The following PIK3CG variants were observed in gnomAD, a reference collection of about 807,000 sequenced individuals.
PIK3CG encodes the protein phosphatidylinositol-4,5-bisphosphate 3-kinase catalytic subunit gamma.
PIK3CG carries 55 observed loss-of-function variants against 102.3 expected under a neutral mutation model. The ratio of observed to expected loss-of-function variants is 0.54; its 90% CI spans 0.43 to 0.67. PIK3CG has a LOEUF of 0.67. PIK3CG is among the 30% of genes least tolerant of loss of function. The probability of loss-of-function intolerance (pLI) is 0.00; values close to 1 mark genes in which losing one functional copy is unlikely to be tolerated. For synonymous variants in PIK3CG, 552 were observed against 540.0 expected (o/e 1.02, Z -0.31); for missense variants, 1,258 against 1,391.8 (o/e 0.90, Z 1.53).
chr7:106,901,432 C>T (rs1378406452), intron 10 of PIK3CG, among the ~76,000 whole-genome samples: 1 of 151,934 alleles, frequency 6.6e-6, no homozygotes, highest in Non-Finnish European at 1.5e-5. Flanking sequence ...ATTTTTATAC[C>T]AGCTATTTCA....
chr7:106,875,843 A>G (rs907815645), intron 5 of PIK3CG, among the ~76,000 whole-genome samples: 15 of 151,364 alleles, frequency 9.9e-5, no homozygotes, highest in African/African-American at 1.9e-4. Flanking sequence ...AATTCCAGCA[A>G]TGTATACGAT....
In PIK3CG at chr7:106,883,193, G is replaced by A. The variant is rs555622245; in HGVS notation, c.2760+30G>A. 89 of 1,612,532 alleles carry A rather than the reference G, an allele frequency of 5.5e-5. 1 individual carries two copies. Among genetic ancestry groups the A allele is most frequent in the Non-Finnish European group, 3.9e-5 (46 of 1,178,762 alleles). On this transcript the variant is annotated intron_variant, in intron 8 of 10. Transcript: ENST00000496166. This position sits in a 1 kb window ranked among gnomAD's most constrained non-coding sequence, Gnocchi z 5.8. Reference sequence around the variant, plus strand: ...GCTCATGCTTTTTCCCAGTCTAATGGCTCCTTACAAGTTGTCATTTATATA... The same window carrying A: ...GCTCATGCTTTTTCCCAGTCTAATGACTCCTTACAAGTTGTCATTTATATA...
At chr7:106,904,383 C>T (rs1791636056) in intron 10 of PIK3CG, among the ~76,000 whole-genome samples, 1 of 151,992 alleles carries the variant, frequency 6.6e-6, no homozygotes, top group South Asian at 2.1e-4. Flanking sequence ...TTGGATTATT[C>T]TCATGTTGTA....
chr7:106,903,213 A>T lies in PIK3CG; in HGVS notation c.3031-1896A>T, dbSNP rs188813698. Reference sequence around the variant, plus strand: ...TGTTTTTAATAATGTAGTTTTATAAAATGGTTTAATATCTGGTTTGGCAAG... The same window carrying T: ...TGTTTTTAATAATGTAGTTTTATAATATGGTTTAATATCTGGTTTGGCAAG... On this transcript the variant is annotated intron_variant, in intron 10 of 10. Coordinates refer to ENST00000496166, the MANE Select transcript of PIK3CG (RefSeq NM_001282426.2). The surrounding 1 kb of genome is among the most constrained non-coding windows in gnomAD (Gnocchi z 4.3). Among the ~76,000 whole-genome samples the T allele has an allele frequency of 1.3e-5, 2 of 152,238 alleles. No homozygotes were observed. Among genetic ancestry groups the T allele is most frequent in the Admixed American group, 1.3e-4 (2 of 15,288 alleles).
rs1791594815 is a variant in PIK3CG at position 106,902,798 on chromosome 7, C to A, written c.3031-2311C>A. Reference sequence around the variant, plus strand: ...AATACATTTTCTTTTGTCATTAAGCCACTTTTAATATTATGTATAGCTTTT... The same window carrying A: ...AATACATTTTCTTTTGTCATTAAGCAACTTTTAATATTATGTATAGCTTTT... On this transcript the variant is annotated intron_variant, in intron 10 of 10. Coordinates refer to ENST00000496166, the MANE Select transcript of PIK3CG (RefSeq NM_001282426.2). The surrounding 1 kb of genome is among the most constrained non-coding windows in gnomAD (Gnocchi z 4.3). Among the ~76,000 whole-genome samples the A allele has an allele frequency of 6.6e-6, 1 of 152,028 alleles. No individual in the cohort carries two copies. The highest frequency in any genetic ancestry group is 1.5e-5 in the Non-Finnish European group (1 of 67,996).
At position 106,893,083 on chromosome 7, in the gene PIK3CG, G is replaced by A. The variant is rs570377966; in HGVS notation, c.3030+6791G>A. The stretch of plus-strand genomic sequence containing the variant: ...CAAAGAAGTCATTTGGAGCTCATTC[G>A]ATTAATCACAAATAACCATAATTAA... On this transcript the variant is annotated intron_variant, in intron 10 of 10. Coordinates refer to ENST00000496166, the MANE Select transcript of PIK3CG (RefSeq NM_001282426.2). This position sits in a 1 kb window ranked among gnomAD's most constrained non-coding sequence, Gnocchi z 4.4. 5.3e-5 allele frequency among the ~76,000 whole-genome samples: 8 copies of A among 152,104 alleles called. No individual in the cohort carries two copies. In the South Asian group the frequency reaches 6.2e-4, roughly 12 times the overall value.
Position 106,880,056 on chromosome 7 carries a change from A to G in PIK3CG, c.2538+391A>G, listed in dbSNP as rs971822761. 6.6e-6 allele frequency among the ~76,000 whole-genome samples: 1 copy of G among 152,234 alleles called. No homozygotes were observed. The highest frequency in any genetic ancestry group is 1.5e-5 in the Non-Finnish European group (1 of 68,042). On this transcript the variant is annotated intron_variant, in intron 6 of 10. Transcript: ENST00000496166. The surrounding 1 kb of genome is among the most constrained non-coding windows in gnomAD (Gnocchi z 4.2). ...CACTCTTTTAGATACATCTCCTCTG[A>G]TGCACATAAACAAATCAAGCAAATG...
At position 106,868,736 on chromosome 7, in the gene PIK3CG, A is replaced by T. The variant is rs2116448654; in HGVS notation, c.1175A>T (p.Gln392Leu). 1 of 1,614,224 alleles carries T rather than the reference A, an allele frequency of 6.2e-7. No homozygotes were observed. Among genetic ancestry groups the T allele is most frequent in the Non-Finnish European group, 8.5e-7 (1 of 1,180,024 alleles). Residue 392 changes from glutamine (Q) to leucine (L), a missense_variant, in exon 2 of 11, where the codon CAA becomes CTA. Coordinates refer to ENST00000496166, the MANE Select transcript of PIK3CG (RefSeq NM_001282426.2). This position sits in a 1 kb window ranked among gnomAD's most constrained non-coding sequence, Gnocchi z 6.2. ...FVEANIQHGQ[Q>L]VLCQRRTSPK... The stretch of plus-strand genomic sequence containing the variant: ...GAGGCAAACATCCAGCATGGGCAAC[A>T]AGTCCTTTGCCAAAGGAGAACCAGC...
At chr7:106,878,219 T>C (rs76312023) in intron 5 of PIK3CG, among the ~76,000 whole-genome samples, 3,911 of 152,308 alleles carry the variant, frequency 0.026, 155 homozygotes, top group African/African-American at 0.089. Context: ...GCATATTTTC[T>C]GATGATGAGT....
Position 106,903,546 on chromosome 7 carries a change from T to G in PIK3CG, c.3031-1563T>G, listed in dbSNP as rs1791613229. Among the ~76,000 whole-genome samples, 1 of 151,864 alleles carries G rather than the reference T, an allele frequency of 6.6e-6. No individual in the cohort carries two copies. The highest frequency in any genetic ancestry group is 2.4e-5 in the African/African-American group (1 of 41,412). Reference sequence around the variant, plus strand: ...TTTTATGTGTTCATCCTAGGAATCATGTTATTGTTGTTACCATTGATTTTA... The same window carrying G: ...TTTTATGTGTTCATCCTAGGAATCAGGTTATTGTTGTTACCATTGATTTTA... On this transcript the variant is annotated intron_variant, in intron 10 of 10. Coordinates refer to ENST00000496166, the MANE Select transcript of PIK3CG (RefSeq NM_001282426.2). The surrounding 1 kb of genome is among the most constrained non-coding windows in gnomAD (Gnocchi z 4.3).
In PIK3CG at chr7:106,869,436, G is replaced by A. The variant is rs903994309; in HGVS notation, c.1875G>A (p.Gly625=). The change falls in exon 2 of 11, where the codon GGG becomes GGA. Residue 625 remains glycine (G), a synonymous_variant. Transcript: ENST00000496166. The surrounding 1 kb of genome is among the most constrained non-coding windows in gnomAD (Gnocchi z 5.3). ...GGGATCAAAGTGCTTTGGATGTTGG[G>A]TTAACAATGCAGCTCCTGGACTGCA... ...EVWDQSALDV[G]LTMQLLDCNF... 1.1e-5 allele frequency: 17 copies of A among 1,614,214 alleles called. No homozygotes were observed. The highest frequency in any genetic ancestry group is 2.2e-5 in the East Asian group (1 of 44,888).
At position 106,867,516 on chromosome 7, in the gene PIK3CG, C is replaced by T. The variant is rs2116414632; in HGVS notation, c.-12-34C>T. 6.6e-7 allele frequency: 1 copy of T among 1,512,302 alleles called. No individual in the cohort carries two copies. The highest frequency in any genetic ancestry group is 8.9e-7 in the Non-Finnish European group (1 of 1,129,780). 93.7% of individuals were successfully genotyped at this position (1,512,302 alleles called of 1,614,324 possible). On this transcript the variant is annotated intron_variant, in intron 1 of 10. Transcript: ENST00000496166. This position sits in a 1 kb window ranked among gnomAD's most constrained non-coding sequence, Gnocchi z 5.1. ...GAAAATATAAGGGGAAAGTGCCTTT[C>T]TTGTGACAAATCCCTGTGTCCCTCC...
At chr7:106,887,496 G>A (rs1380601319) in intron 10 of PIK3CG, among the ~76,000 whole-genome samples, 1 of 152,138 alleles carries the variant, frequency 6.6e-6, no homozygotes, top group Non-Finnish European at 1.5e-5. Context: ...TTTGAAACCT[G>A]TCTGTTCTTG....
chr7:106,869,684 T>G lies in PIK3CG; in HGVS notation c.1995+128T>G. 1.3e-6 allele frequency: 1 copy of G among 753,440 alleles called. No individual in the cohort carries two copies. The highest frequency in any genetic ancestry group is 2.1e-6 in the Non-Finnish European group (1 of 470,130). The allele number at this position is 753,440 out of a possible 1,614,324, so 46.7% of individuals were successfully genotyped here. A position where few individuals can be genotyped will look rare whatever the true frequency, so the allele number is the denominator to read the frequency against. On this transcript the variant is annotated intron_variant, in intron 2 of 10. Coordinates refer to ENST00000496166, the MANE Select transcript of PIK3CG (RefSeq NM_001282426.2). The surrounding 1 kb of genome is among the most constrained non-coding windows in gnomAD (Gnocchi z 5.3). ...GCTTCATCATCGGCAAAAGTAGATA[T>G]GATGAAGCTGCCTCAAAAAGTAGTA...
At position 106,880,244 on chromosome 7, in the gene PIK3CG, G is replaced by C. The variant is rs760131668; in HGVS notation, c.2538+579G>C. ...TTCTAGATAAACTTTAGCTTCACAA[G>C]TCTGTAAAGTAATATTCTCCAGATT... On this transcript the variant is annotated intron_variant, in intron 6 of 10. Coordinates refer to ENST00000496166, the MANE Select transcript of PIK3CG (RefSeq NM_001282426.2). This position sits in a 1 kb window ranked among gnomAD's most constrained non-coding sequence, Gnocchi z 4.2. Among the ~76,000 whole-genome samples, 1 of 152,186 alleles carries C rather than the reference G, an allele frequency of 6.6e-6. No homozygotes were observed. Among genetic ancestry groups the C allele is most frequent in the Non-Finnish European group, 1.5e-5 (1 of 68,016 alleles).
At chr7:106,904,995 G>C in intron 10 of PIK3CG, 114 bp from the exon 11 acceptor site, 1 of 905,634 alleles carries the variant, frequency 1.1e-6, no homozygotes, top group Non-Finnish European at 1.7e-6. Context: ...GACCTTGATG[G>C]TTTCTTCTCA....
In PIK3CG at chr7:106,891,503, A is replaced by G. The variant is rs1215872224; in HGVS notation, c.3030+5211A>G. Among the ~76,000 whole-genome samples the G allele has an allele frequency of 6.6e-6, 1 of 152,206 alleles. No individual in the cohort carries two copies. Among genetic ancestry groups the G allele is most frequent in the Non-Finnish European group, 1.5e-5 (1 of 68,040 alleles). ...AGTCAGAGCTGTACCTTTTGCCAAG[A>G]GAACAGGGCATGGAGTATATACACA... is the stretch of plus-strand genomic sequence containing the variant. On this transcript the variant is annotated intron_variant, in intron 10 of 10. Transcript: ENST00000496166. This position sits in a 1 kb window ranked among gnomAD's most constrained non-coding sequence, Gnocchi z 4.4.
Position 106,872,946 on chromosome 7 carries a change from G to A in PIK3CG, c.2287+8G>A, listed in dbSNP as rs746611910. 14 of 1,583,750 alleles carry A rather than the reference G, an allele frequency of 8.8e-6. No homozygotes were observed. The South Asian group carries it at 1.5e-4, about 18-fold the overall frequency. On this transcript the variant is annotated splice_region_variant and intron_variant, in intron 4 of 10. Coordinates refer to ENST00000496166, the MANE Select transcript of PIK3CG (RefSeq NM_001282426.2). This position sits in a 1 kb window ranked among gnomAD's most constrained non-coding sequence, Gnocchi z 5.3. Reference sequence around the variant, plus strand: ...ATGACGTCAGTTCCCAAGGTACGGTGGCTATATTTTCTGTGTTCTCTTTCC... The same window carrying A: ...ATGACGTCAGTTCCCAAGGTACGGTAGCTATATTTTCTGTGTTCTCTTTCC...
chr7:106,888,498 A>T (rs1054463946), intron 10 of PIK3CG, among the ~76,000 whole-genome samples: 2 of 152,170 alleles, frequency 1.3e-5, no homozygotes, highest in Non-Finnish European at 2.9e-5. Flanking sequence ...TTCCACCCAA[A>T]GCAACAAACC....
Sources: gnomAD v4.1 joint callset for allele counts (sites outside exome capture counted in the v4.1 genomes callset) on GRCh38, gnomAD v4.1.1 for gene constraint, Gnocchi (gnomAD v3.1) non-coding constraint, MANE v1.5 for transcripts, NCBI Gene and HGNC (gene_info 2026-07-23, HGNC 2026-07-21) for gene names.